Variants in PPARGC1A observed in about 807,000 individuals in gnomAD.
PPARGC1A encodes the protein peroxisome proliferator-activated receptor gamma coactivator 1-alpha.
In PPARGC1A, 25 loss-of-function variants were observed where a neutral mutation model predicts 88.7. The observed-to-expected ratio is 0.28, with a 90% CI of 0.21 to 0.39. PPARGC1A has a LOEUF of 0.39. Ranked by LOEUF, PPARGC1A falls within the 10% of genes least tolerant of loss-of-function variation. The pLI is 1.00. For missense variants in PPARGC1A, 880 were observed against 968.7 expected (o/e 0.91, Z 1.22); for synonymous variants, 363 against 355.6 (o/e 1.02, Z -0.24).
intron 2 of PPARGC1A, among the ~76,000 whole-genome samples, chr4:23,867,925 T>A (rs1712379046): frequency 6.6e-6 from 1 of 152,160 alleles, no homozygotes; most frequent in African/African-American, 2.4e-5. Context: ...AAATTTTAAG[T>A]CTGAATCCAT....
chr4:24,335,302 T>C, the PPARGC1A span, among the ~76,000 whole-genome samples: 1 of 152,176 alleles, frequency 6.6e-6, no homozygotes, highest in Non-Finnish European at 1.5e-5. Flanking sequence ...ATGAGGAAAC[T>C]GAGATTCATG....
the PPARGC1A span, among the ~76,000 whole-genome samples, chr4:24,455,396 A>C: frequency 1.2e-4 from 18 of 152,230 alleles, no homozygotes; most frequent in African/African-American, 3.9e-4. Context: ...TGGAAGGATC[A>C]CTTGAGTCTT....
At chr4:23,817,881 G>A (rs1440841956) in intron 7 of PPARGC1A, among the ~76,000 whole-genome samples, 5 of 152,090 alleles carry the variant, frequency 3.3e-5, no homozygotes, top group African/African-American at 4.8e-5. Context: ...CAAAACAAAG[G>A]TGCAAGAAGT....
chr4:23,970,214 A>G, the PPARGC1A span, among the ~76,000 whole-genome samples: 2 of 152,184 alleles, frequency 1.3e-5, no homozygotes, highest in Non-Finnish European at 2.9e-5. Context: ...ATCACCATAA[A>G]TTTCAACTCA....
upstream of PPARGC1A, among the ~76,000 whole-genome samples, chr4:23,901,465 AT>A (rs1337101435): frequency 2.5e-4 from 38 of 151,468 alleles, no homozygotes. Context: ...AACCGCTTGA[AT>A]GCAGGAGGTG....
chr4:24,215,640 T>C, the PPARGC1A span, among the ~76,000 whole-genome samples: 1 of 152,098 alleles, frequency 6.6e-6, no homozygotes, highest in African/African-American at 2.4e-5. Flanking sequence ...TAAACCAAAC[T>C]TAGAAAGGTT....
chr4:24,071,699 A>G, the PPARGC1A span, among the ~76,000 whole-genome samples: 1 of 152,120 alleles, frequency 6.6e-6, no homozygotes, highest in Non-Finnish European at 1.5e-5. Flanking sequence ...TTGTGCCAGA[A>G]AAAAAATCCT....
At chr4:24,278,206 G>A in the PPARGC1A span, among the ~76,000 whole-genome samples, 2 of 151,946 alleles carry the variant, frequency 1.3e-5, no homozygotes, top group Admixed American at 6.6e-5. Context: ...AAAATAAGAC[G>A]AAAAATTTAA....
At chr4:24,152,272 A>G in the PPARGC1A span, among the ~76,000 whole-genome samples, 2 of 152,196 alleles carry the variant, frequency 1.3e-5, no homozygotes, top group African/African-American at 4.8e-5. Flanking sequence ...CTTTCAGGGC[A>G]AGCTATTTTC....
At chr4:23,813,641 T>G (rs1721360465) in intron 8 of PPARGC1A, 49 bp downstream of exon 8, 1 of 1,421,826 alleles carries the variant, frequency 7.0e-7, no homozygotes, top group Non-Finnish European at 9.5e-7. Context: ...TTTTATTTTT[T>G]ACTTCTTAGG....
At chr4:24,122,553 T>A in the PPARGC1A span, among the ~76,000 whole-genome samples, 1 of 152,068 alleles carries the variant, frequency 6.6e-6, no homozygotes, top group Non-Finnish European at 1.5e-5. Flanking sequence ...AGCACACATT[T>A]AATGAGCACT....
the PPARGC1A span, among the ~76,000 whole-genome samples, chr4:24,118,418 C>A: frequency 1.3e-5 from 2 of 152,098 alleles, no homozygotes; most frequent in Non-Finnish European, 2.9e-5. Flanking sequence ...GTTTTCCTGG[C>A]CCTGAAAACA....
chr4:24,021,064 G>A, the PPARGC1A span, among the ~76,000 whole-genome samples: 559 of 152,280 alleles, frequency 3.7e-3, 3 homozygotes, highest in South Asian at 9.6e-3. Flanking sequence ...AAAGCCCTTC[G>A]TGACCTCTGA....
At chr4:24,037,024 T>C in the PPARGC1A span, among the ~76,000 whole-genome samples, 1 of 152,224 alleles carries the variant, frequency 6.6e-6, no homozygotes, top group African/African-American at 2.4e-5. Flanking sequence ...GTTATGATGA[T>C]ACAAACATTG....
At chr4:24,052,882 G>A in the PPARGC1A span, among the ~76,000 whole-genome samples, 1 of 6,554 alleles carries the variant, frequency 1.5e-4, no homozygotes. Flanking sequence ...TTTTTTTTTT[G>A]AGATGGAGTC....
chr4:24,075,610 T>C, the PPARGC1A span, among the ~76,000 whole-genome samples: 6 of 151,842 alleles, frequency 4.0e-5, no homozygotes, highest in Non-Finnish European at 7.4e-5. Context: ...CCATGGGAGG[T>C]AGTTGAATCA....
chr4:24,366,689 A>G, the PPARGC1A span, among the ~76,000 whole-genome samples: 2 of 152,152 alleles, frequency 1.3e-5, no homozygotes, highest in Admixed American at 6.6e-5. Context: ...AAAGCTTTCT[A>G]TCCTGCTCTC....
At chr4:23,864,580 C>T (rs1355461909) in intron 2 of PPARGC1A, among the ~76,000 whole-genome samples, 1 of 152,188 alleles carries the variant, frequency 6.6e-6, no homozygotes, top group Non-Finnish European at 1.5e-5. Context: ...AGATGGTGAA[C>T]ATGCACTCAA....
At chr4:24,150,914 C>T in the PPARGC1A span, among the ~76,000 whole-genome samples, 1 of 152,180 alleles carries the variant, frequency 6.6e-6, no homozygotes, top group Non-Finnish European at 1.5e-5. Flanking sequence ...CCTAGATACC[C>T]TCTCCTCTCT....
Sources: allele counts gnomAD v4.1 joint callset (sites outside exome capture counted in the v4.1 genomes callset), GRCh38; gene constraint gnomAD v4.1.1; transcripts MANE v1.5; gene names NCBI Gene and HGNC (gene_info 2026-07-23, HGNC 2026-07-21).